SKOR2: variants seen among roughly 807,000 people sequenced by gnomAD.
The protein encoded by SKOR2 is LBX1 corepressor 1-like protein.
A neutral mutation model predicts 69.1 loss-of-function variants in SKOR2; 47 were observed. The ratio of observed to expected loss-of-function variants is 0.68; its 90% confidence interval spans 0.54 to 0.87. The LOEUF (loss-of-function observed/expected upper bound fraction) is 0.87, where lower values mean the gene tolerates loss of function less well. Ranked by LOEUF, SKOR2 falls within the 40% of genes least tolerant of loss-of-function variation. SKOR2 has a pLI of 0.00. For synonymous variants in SKOR2, 717 were observed against 672.6 expected, an observed-to-expected ratio of 1.07 and a Z score of -1.02; for missense variants, 1,404 against 1,472.2, an observed-to-expected ratio of 0.95 and a Z score of 0.76.
Position 47,247,703 on chromosome 18 carries a change from G to A in SKOR2, c.1481C>T (p.Ala494Val). The change falls in exon 2 of 9, where the codon GCG becomes GTG. Residue 494 changes from alanine (A) to valine (V), a missense_variant. Around this residue, in one of 3 missense-constraint regions of SKOR2, gnomAD observed 1,266 missense variants for 1,309.9 expected, o/e 0.97. Transcript: ENST00000425639. The surrounding 1 kb of genome is among the most constrained non-coding windows in gnomAD (Gnocchi z 6.6). ...YLQPPPQPPSALGCALGESPA... is the reference protein window; with the variant it reads ...YLQPPPQPPSVLGCALGESPA... ...GCTTTCGCCTAGCGCGCAGCCTAGC[G>A]CCGAGGGCGGCTGAGGCGGGGGCTG... 5.1e-6 allele frequency: 7 copies of A among 1,363,754 alleles called. No homozygotes were observed. The highest frequency in any genetic ancestry group is 6.6e-6 in the Non-Finnish European group (7 of 1,067,664). The allele number at this position is 1,363,754 out of a possible 1,614,324, so 84.5% of individuals were successfully genotyped here. A position where few individuals can be genotyped will look rare whatever the true frequency, so the allele number is the denominator to read the frequency against.
In SKOR2 at chr18:47,246,558, A is replaced by G. The variant is rs1168250847; in HGVS notation, c.2613+13T>C. Reference sequence around the variant, plus strand: ...TAATAATTAGCTTGAAGGAGCCTAAAGGGGATATTTACATCTTTGTAGGAG... The same window carrying G: ...TAATAATTAGCTTGAAGGAGCCTAAGGGGGATATTTACATCTTTGTAGGAG... On this transcript the variant is annotated intron_variant, in intron 2 of 8. Coordinates refer to ENST00000425639, the MANE Select transcript of SKOR2 (RefSeq NM_001278063.4). 1.3e-6 allele frequency: 2 copies of G among 1,509,270 alleles called. No homozygotes were observed. The highest frequency in any genetic ancestry group is 1.4e-5 in the African/African-American group (1 of 69,590). The allele number at this position is 1,509,270 out of a possible 1,614,324, so 93.5% of individuals were successfully genotyped here.
In SKOR2 at chr18:47,222,238, C is replaced by T. The variant is rs116714626; in HGVS notation, c.2918-2228G>A. Reference sequence around the variant, plus strand: ...ACAGGAGGCTGAGGTAGGAGAATCACCTGGGAAGTCGAGGCTGCAGTGAGC... The same window carrying T: ...ACAGGAGGCTGAGGTAGGAGAATCATCTGGGAAGTCGAGGCTGCAGTGAGC... On this transcript the variant is annotated intron_variant, in intron 6 of 8. Coordinates refer to ENST00000425639, the MANE Select transcript of SKOR2 (RefSeq NM_001278063.4). 7.3e-3 allele frequency among the ~76,000 whole-genome samples: 1,104 copies of T among 151,970 alleles called. 11 individuals carry two copies. Among genetic ancestry groups the T allele is most frequent in the African/African-American group, 0.026 (1,059 of 41,446 alleles).
chr18:47,232,264 C>T (rs1159261403), intron 4 of SKOR2, among the ~76,000 whole-genome samples: 1 of 152,164 alleles, frequency 6.6e-6, no homozygotes, highest in Non-Finnish European at 1.5e-5. Context: ...TGCTCTTCCT[C>T]GACCAAAGAA....
intron 4 of SKOR2, chr18:47,234,530 G>A (rs1912989): frequency 0.38 from 57,172 of 151,898 alleles, 11,622 homozygotes; most frequent in Middle Eastern, 0.48. Flanking sequence ...TTTAGTATAT[G>A]TGCTGCCAAA....
chr18:47,212,646 C>T (rs2064131271), intron 7 of SKOR2, among the ~76,000 whole-genome samples: 1 of 152,110 alleles, frequency 6.6e-6, no homozygotes, highest in African/African-American at 2.4e-5. Context: ...TAAACCCAAA[C>T]TATTACTCTG....
intron 6 of SKOR2, among the ~76,000 whole-genome samples, chr18:47,230,169 A>G (rs1451013074): frequency 6.6e-6 from 1 of 151,678 alleles, no homozygotes; most frequent in Non-Finnish European, 1.5e-5. Flanking sequence ...ATATTTAAAT[A>G]TATTTACATA....
Position 47,249,093 on chromosome 18 carries a change from G to T in SKOR2, c.91C>A (p.Pro31Thr). The stretch of plus-strand genomic sequence containing the variant: ...TTGGGTTTGAGGTTGGCGTGCCCTG[G>T]CCGCGGCTGGCTCAGCGTGTCGGGC... ...FQPDTLSQPRPGHANLKPNQV... is the reference protein window; with the variant it reads ...FQPDTLSQPRTGHANLKPNQV... The change falls in exon 2 of 9, where the codon CCA (proline) becomes ACA (threonine). Residue 31 changes from proline (P) to threonine (T), a missense_variant. Transcript: ENST00000425639. The T allele has an allele frequency of 6.5e-7, 1 of 1,536,288 alleles. No individual in the cohort carries two copies. The highest frequency in any genetic ancestry group is 8.7e-7 in the Non-Finnish European group (1 of 1,146,914).
chr18:47,248,563 G>A lies in SKOR2; in HGVS notation c.621C>T (p.Asn207=), dbSNP rs1600052821. 7.2e-6 allele frequency: 11 copies of A among 1,538,102 alleles called. No homozygotes were observed. Among genetic ancestry groups the A allele is most frequent in the Non-Finnish European group, 9.6e-6 (11 of 1,147,214 alleles). The change falls in exon 2 of 9, where the codon AAC becomes AAT. Residue 207 remains asparagine (N), a synonymous_variant. Transcript: ENST00000425639. This position sits in a 1 kb window ranked among gnomAD's most constrained non-coding sequence, Gnocchi z 6.4. ...KYTQPDAANF[N]SWRRHLKLTD... is the part of the protein sequence containing the mutation. ...TGAGCTTGAGATGACGGCGCCACGA[G>A]TTGAAGTTGGCTGCGTCTGGCTGAG...
chr18:47,238,985 C>T (rs565933287), intron 4 of SKOR2, among the ~76,000 whole-genome samples: 13 of 152,148 alleles, frequency 8.5e-5, no homozygotes, highest in Non-Finnish European at 1.5e-4. Flanking sequence ...CAAATAAACT[C>T]TGAATTTTAA....
At chr18:47,251,109 G>A (rs545766547) in intron 1 of SKOR2, among the ~76,000 whole-genome samples, 1 of 150,264 alleles carries the variant, frequency 6.7e-6, no homozygotes, top group Non-Finnish European at 1.5e-5. Flanking sequence ...TTTTGGTTGG[G>A]GCATTATTTT....
intron 4 of SKOR2, among the ~76,000 whole-genome samples, chr18:47,239,315 T>C (rs1027760864): frequency 2.0e-5 from 3 of 152,186 alleles, no homozygotes; most frequent in Admixed American, 6.5e-5. Flanking sequence ...CCTGTGATGT[T>C]TGGCACTTCA....
rs553994193 is a variant in SKOR2, at chr18:47,224,411, C to T, written c.2918-4401G>A. On this transcript the variant is annotated intron_variant, in intron 6 of 8. Coordinates refer to ENST00000425639, the MANE Select transcript of SKOR2 (RefSeq NM_001278063.4). ...CAAGGCTGCACACTGCAAACTCAGA[C>T]AGCTGGAAAAGCCAAAGGGTTTTCC... Among the ~76,000 whole-genome samples the T allele has an allele frequency of 5.1e-4, 78 of 152,268 alleles. No homozygotes were observed. In the South Asian group the frequency reaches 6.4e-3, roughly 13 times the overall value.
At chr18:47,217,466 A>C (rs568325396) in intron 7 of SKOR2, among the ~76,000 whole-genome samples, 46 of 152,292 alleles carry the variant, frequency 3.0e-4, no homozygotes, top group Admixed American at 1.5e-3. Context: ...GAAGCTCCCC[A>C]AAATTTGCTA....
At chr18:47,245,628 C>A in intron 2 of SKOR2, 67 bp from the exon 3 acceptor site, 1 of 1,399,226 alleles carries the variant, frequency 7.1e-7, no homozygotes, top group Non-Finnish European at 9.4e-7. Flanking sequence ...TGTCAACAGT[C>A]AGCAGGAAGA....
At position 47,212,113 on chromosome 18, in the gene SKOR2, A is replaced by G; in HGVS notation, c.3024T>C (p.Leu1008=). 4.1e-6 allele frequency: 5 copies of G among 1,232,060 alleles called. No homozygotes were observed. The highest frequency in any genetic ancestry group is 5.1e-6 in the Non-Finnish European group (5 of 987,892). The allele number at this position is 1,232,060 out of a possible 1,614,324, so 76.3% of individuals were successfully genotyped here. A position where few individuals can be genotyped will look rare whatever the true frequency, so the allele number is the denominator to read the frequency against. The change falls in exon 8 of 9, where the codon CTT becomes CTC. Residue 1008 remains leucine, a synonymous_variant. Transcript: ENST00000425639. ...YAASLIRKEK[L]GAHLSKS is the part of the protein sequence containing the mutation. ...TTTAGCTTTTGCTGAGATGGGCGCC[A>G]AGCTTTTCTTTCCTGATCAAACTTG...
chr18:47,238,599 AG>A, intron 4 of SKOR2, among the ~76,000 whole-genome samples: 1 of 152,264 alleles, frequency 6.6e-6, no homozygotes, highest in Non-Finnish European at 1.5e-5. Context: ...CTGGGATTAC[AG>A]GCATGAGCCA....
chr18:47,224,338 A>G (rs571021502), intron 6 of SKOR2, among the ~76,000 whole-genome samples: 1 of 152,256 alleles, frequency 6.6e-6, no homozygotes, highest in Non-Finnish European at 1.5e-5. Context: ...TACGAAAGGA[A>G]GTAGCAAAGA....
chr18:47,219,935 C>T lies in SKOR2; in HGVS notation c.2985+8G>A, dbSNP rs2064155893. 1 of 1,534,750 alleles carries T rather than the reference C, an allele frequency of 6.5e-7. No homozygotes were observed. The highest frequency in any genetic ancestry group is 8.7e-7 in the Non-Finnish European group (1 of 1,145,926). On this transcript the variant is annotated splice_region_variant and intron_variant, in intron 7 of 8. Coordinates refer to ENST00000425639, the MANE Select transcript of SKOR2 (RefSeq NM_001278063.4). ...TTGCATTTATTTTTAAGTAGAAATG[C>T]AGCTTACAATTTGTAACTGTTGCAC...
intron 1 of SKOR2, 124 bp from the exon 2 acceptor site, chr18:47,249,354 G>T (rs2064303013): frequency 1.0e-6 from 1 of 957,902 alleles, no homozygotes. Flanking sequence ...ATTATTACTG[G>T]AAAAAGTGAC....
Sources: allele counts gnomAD v4.1 joint callset (sites outside exome capture counted in the v4.1 genomes callset), GRCh38; gene constraint gnomAD v4.1.1; regional missense constraint gnomAD v4.1.1; non-coding constraint Gnocchi (gnomAD v3.1); transcripts MANE v1.5; gene names NCBI Gene and HGNC (gene_info 2026-07-23, HGNC 2026-07-21).